PTPRD: variants seen among roughly 807,000 people sequenced by gnomAD.
PTPRD encodes the protein protein tyrosine phosphatase receptor type D.
In PTPRD, 34 loss-of-function variants were observed where a neutral mutation model predicts 214.5. The ratio of observed to expected loss-of-function variants is 0.16; its 90% CI spans 0.12 to 0.21. The LOEUF (loss-of-function observed/expected upper bound fraction) is 0.21, where lower values mean the gene tolerates loss of function less well. PTPRD is among the 10% of genes least tolerant of loss of function. PTPRD has a pLI of 1.00. For synonymous variants in PTPRD, 1,128 were observed against 845.7 expected, an observed-to-expected ratio of 1.33 and a Z score of -5.79; for missense variants, 2,545 against 2,398.7, an observed-to-expected ratio of 1.06 and a Z score of -1.27.
chr9:9,030,276 CTTTTTTTTT>C (rs71317396), intron 10 of PTPRD, among the ~76,000 whole-genome samples: 4 of 37,920 alleles, frequency 1.1e-4, no homozygotes, highest in Non-Finnish European at 1.3e-4. Context: ...CACACTTGGG[CTTTTTTTTT>C]TTTTTTTTTT....
chr9:8,375,434 G>A (rs976398418), intron 39 of PTPRD, among the ~76,000 whole-genome samples: 2 of 151,872 alleles, frequency 1.3e-5, no homozygotes, highest in African/African-American at 2.4e-5. Flanking sequence ...AATCAAATTA[G>A]TGATTTGTCA....
intron 15 of PTPRD, chr9:8,528,321 A>C (rs2074753008): frequency 1.0e-5 from 5 of 486,662 alleles, no homozygotes; most frequent in Non-Finnish European, 1.8e-5. Context: ...AAAAGCAGTA[A>C]ATTAAAAAAT....
intron 2 of PTPRD, among the ~76,000 whole-genome samples, chr9:10,439,215 T>C (rs2098742696): frequency 6.7e-6 from 1 of 149,614 alleles, no homozygotes; most frequent in Non-Finnish European, 1.5e-5. Context: ...GCATGTTTTG[T>C]GTCACTCACG....
At chr9:9,714,706 C>A (rs1188337481) in intron 7 of PTPRD, among the ~76,000 whole-genome samples, 3 of 152,114 alleles carry the variant, frequency 2.0e-5, no homozygotes, top group Non-Finnish European at 4.4e-5. Context: ...GCTGATCATA[C>A]TGATAGCTGT....
At chr9:8,964,379 T>C (rs2099178331) in intron 11 of PTPRD, among the ~76,000 whole-genome samples, 1 of 151,846 alleles carries the variant, frequency 6.6e-6, no homozygotes, top group Admixed American at 6.6e-5. Context: ...GGATATTGTC[T>C]ATTTCTGTGG....
chr9:8,323,441 G>A (rs1477449364), intron 44 of PTPRD, among the ~76,000 whole-genome samples: 1 of 152,152 alleles, frequency 6.6e-6, no homozygotes, highest in Non-Finnish European at 1.5e-5. Context: ...AAAATTTACT[G>A]GAAGTAATTC....
rs565935597 is a variant in PTPRD at position 9,667,130 on chromosome 9, C to T, written c.-287+67403G>A. On this transcript the variant is annotated intron_variant, in intron 7 of 45. Transcript: ENST00000381196. ...ATCTTCTTTACTCTCTTTTCTACCA[C>T]GTGCTTTGTTTATTACTGATTACTC... is the stretch of plus-strand genomic sequence containing the variant. 3.3e-5 allele frequency among the ~76,000 whole-genome samples: 5 copies of T among 152,110 alleles called. No individual in the cohort carries two copies. In the East Asian group the frequency reaches 7.8e-4, roughly 24 times the overall value.
intron 5 of PTPRD, among the ~76,000 whole-genome samples, chr9:9,892,494 G>A (rs1002325900): frequency 6.6e-6 from 1 of 152,022 alleles, no homozygotes; most frequent in East Asian, 1.9e-4. Context: ...TGAAGATATA[G>A]CACAGAAACC....
chr9:8,453,399 T>G (rs895187994), intron 33 of PTPRD, among the ~76,000 whole-genome samples: 2 of 152,128 alleles, frequency 1.3e-5, no homozygotes, highest in Non-Finnish European at 2.9e-5. Context: ...CTCCTGACCT[T>G]GTGATCCACC....
intron 10 of PTPRD, among the ~76,000 whole-genome samples, chr9:9,053,145 T>C (rs1191799865): frequency 1.3e-5 from 2 of 152,234 alleles, no homozygotes; most frequent in African/African-American, 4.8e-5. Context: ...TAACATGTAT[T>C]AGGTTGAATG....
chr9:9,797,825 C>A (rs1022016382), intron 5 of PTPRD, among the ~76,000 whole-genome samples: 1 of 151,790 alleles, frequency 6.6e-6, no homozygotes, highest in Non-Finnish European at 1.5e-5. Flanking sequence ...ACCAGCCTGG[C>A]GGACAACAGC....
intron 7 of PTPRD, among the ~76,000 whole-genome samples, chr9:9,596,822 G>T (rs998551317): frequency 2.0e-5 from 3 of 151,902 alleles, no homozygotes; most frequent in Admixed American, 6.6e-5. Flanking sequence ...AACACAATCT[G>T]CCCTCAACTT....
At chr9:10,026,863 CT>C (rs1037430340) in intron 4 of PTPRD, among the ~76,000 whole-genome samples, 1 of 147,754 alleles carries the variant, frequency 6.8e-6, no homozygotes, top group Non-Finnish European at 1.5e-5. Flanking sequence ...TAGTGAGTGT[CT>C]TTCAAAAAAA....
chr9:8,507,487 A>G, intron 21 of PTPRD, 53 bp from the exon 22 acceptor site: 1 of 1,609,186 alleles, frequency 6.2e-7, no homozygotes, highest in South Asian at 1.1e-5. Context: ...AGTATTCACA[A>G]AGTTCTTCCA....
intron 9 of PTPRD, among the ~76,000 whole-genome samples, chr9:9,380,749 A>G (rs557853147): frequency 5.6e-4 from 85 of 152,210 alleles, no homozygotes; most frequent in South Asian, 2.1e-3. Flanking sequence ...TTTCTACCTG[A>G]CGTGTCTGAC....
intron 2 of PTPRD, among the ~76,000 whole-genome samples, chr9:10,600,865 A>T (rs1287082492): frequency 2.0e-5 from 3 of 151,802 alleles, no homozygotes; most frequent in Non-Finnish European, 4.4e-5. Flanking sequence ...GTGCTTGAAG[A>T]GAAAATGCAT....
intron 2 of PTPRD, among the ~76,000 whole-genome samples, chr9:10,541,555 C>G (rs891149051): frequency 3.3e-5 from 5 of 151,572 alleles, no homozygotes; most frequent in Non-Finnish European, 5.9e-5. Flanking sequence ...ATATAATACA[C>G]AAATAAAAAT....
intron 3 of PTPRD, among the ~76,000 whole-genome samples, chr9:10,281,303 A>G (rs1240829791): frequency 6.6e-6 from 1 of 151,544 alleles, no homozygotes; most frequent in African/African-American, 2.4e-5. Flanking sequence ...ACCAAAAATT[A>G]TTTTTCAGTT....
chr9:10,102,481 T>G (rs1272201270), intron 3 of PTPRD, among the ~76,000 whole-genome samples: 2 of 151,672 alleles, frequency 1.3e-5, no homozygotes, highest in Non-Finnish European at 3.0e-5. Context: ...TTTTGCCTAT[T>G]AATCTCAGAT....
Sources: gnomAD v4.1 joint callset for allele counts (sites outside exome capture counted in the v4.1 genomes callset) on GRCh38, gnomAD v4.1.1 for gene constraint, MANE v1.5 for transcripts, NCBI Gene and HGNC (gene_info 2026-07-23, HGNC 2026-07-21) for gene names.